Variants in RPS6KA2 observed in about 807,000 individuals in gnomAD.
RPS6KA2 encodes ribosomal protein S6 kinase alpha-2.
A neutral mutation model predicts 91.8 loss-of-function variants in RPS6KA2; 42 were observed. The ratio of observed to expected loss-of-function variants is 0.46; its 90% CI spans 0.36 to 0.59. The LOEUF (loss-of-function observed/expected upper bound fraction) is 0.59. Ranked by LOEUF, RPS6KA2 falls within the 20% of genes least tolerant of loss-of-function variation. RPS6KA2 has a pLI of 0.00. For missense variants in RPS6KA2, 798 were observed against 978.5 expected (o/e 0.82, Z 2.46); for synonymous variants, 414 against 393.6 (o/e 1.05, Z -0.61).
Position 166,841,556 on chromosome 6 carries a change from A to T in RPS6KA2, c.123+16644T>A, listed in dbSNP as rs541384304. ...ACAAAAACTTAATTGCAGAGGAAAA[A>T]TAGAAAAACTCAGCAGGTCTGAGAT... On this transcript the variant is annotated intron_variant, in intron 2 of 21. Transcript: ENST00000503859. Among the ~76,000 whole-genome samples, 26 of 152,382 alleles carry T rather than the reference A, an allele frequency of 1.7e-4. No homozygotes were observed. The East Asian group carries it at 3.7e-3, about 21-fold the overall frequency.
intron 1 of RPS6KA2, among the ~76,000 whole-genome samples, chr6:166,582,793 C>T (rs1350043233): frequency 6.6e-6 from 1 of 152,118 alleles, no homozygotes; most frequent in Non-Finnish European, 1.5e-5. Flanking sequence ...TGCTATTATG[C>T]ATCCAATGTG....
intron 10 of RPS6KA2, among the ~76,000 whole-genome samples, chr6:166,480,799 A>G (rs1336699176): frequency 6.6e-6 from 1 of 151,942 alleles, no homozygotes; most frequent in East Asian, 1.9e-4. Context: ...ACAGGCGTAC[A>G]CCACCACTCC....
At chr6:166,725,664 G>A (rs1790315412) in intron 2 of RPS6KA2, among the ~76,000 whole-genome samples, 1 of 152,250 alleles carries the variant, frequency 6.6e-6, no homozygotes, top group African/African-American at 2.4e-5. Context: ...GGGTGGGGTG[G>A]GCCCACGGGG....
At chr6:166,463,441 C>T (rs1005361577) in intron 11 of RPS6KA2, 11 of 152,148 alleles carry the variant, frequency 7.2e-5, no homozygotes, top group Admixed American at 3.3e-4. Flanking sequence ...TGATCAAATT[C>T]GCCAGGCACA....
intron 16 of RPS6KA2, 26 bp downstream of exon 16, chr6:166,430,427 A>C: frequency 4.4e-6 from 7 of 1,593,294 alleles, no homozygotes; most frequent in African/African-American, 1.3e-5. Flanking sequence ...CTCCTCCCCG[A>C]AGGCTGCCCC....
chr6:166,670,004 C>T (rs1287202628), intron 2 of RPS6KA2, among the ~76,000 whole-genome samples: 3 of 152,256 alleles, frequency 2.0e-5, no homozygotes, highest in Non-Finnish European at 4.4e-5. Flanking sequence ...AGGTTCAGAA[C>T]TGCAGCCTTT....
chr6:166,531,336 T>C lies in RPS6KA2; in HGVS notation c.217-23A>G, dbSNP rs376813774. 7.6e-5 allele frequency: 121 copies of C among 1,584,728 alleles called. 1 individual carries two copies. The Middle Eastern group carries it at 8.3e-4, about 11-fold the overall frequency. ...CACCTTAGCAAGAGAAAACGGAACATCAGAAACCCGTAAGACTTCAAACTC... is the reference window on the plus strand; with the variant it reads ...CACCTTAGCAAGAGAAAACGGAACACCAGAAACCCGTAAGACTTCAAACTC... On this transcript the variant is annotated intron_variant, in intron 2 of 20. Coordinates refer to ENST00000265678, the MANE Select transcript of RPS6KA2 (RefSeq NM_021135.6).
intron 2 of RPS6KA2, among the ~76,000 whole-genome samples, chr6:166,646,095 T>G (rs906958531): frequency 1.3e-5 from 2 of 152,196 alleles, no homozygotes; most frequent in African/African-American, 4.8e-5. Context: ...GCTGTAGGAA[T>G]TGGGAAATTT....
In RPS6KA2 at chr6:166,416,021, G is replaced by A. The variant is rs754639175; in HGVS notation, c.1939-2090C>T. On this transcript the variant is annotated intron_variant, in intron 19 of 20. Transcript: ENST00000265678. The stretch of plus-strand genomic sequence containing the variant: ...CCTCCTCCATCACCCCCACCATTAC[G>A]CTCACCATCATCTTCACCACCTCCA... Among the ~76,000 whole-genome samples the A allele has an allele frequency of 3.1e-3, 8 of 2,618 alleles. No individual in the cohort carries two copies. In the East Asian group the frequency reaches 0.053, roughly 17 times the overall value. 1.7% of individuals were successfully genotyped at this position (2,618 alleles called of 152,430 possible).
At chr6:166,539,914 G>A (rs1011679783) in intron 1 of RPS6KA2, among the ~76,000 whole-genome samples, 9 of 152,186 alleles carry the variant, frequency 5.9e-5, no homozygotes, top group Admixed American at 3.3e-4. Flanking sequence ...GTTTTAGCTC[G>A]GGGTGAGGGG....
At chr6:166,795,942 G>C (rs1023952995) in intron 2 of RPS6KA2, among the ~76,000 whole-genome samples, 3 of 152,240 alleles carry the variant, frequency 2.0e-5, no homozygotes, top group African/African-American at 7.2e-5. Flanking sequence ...ATGGCTTCTA[G>C]ATGCTGTGGG....
In RPS6KA2 at chr6:166,603,275, C is replaced by A. The variant is rs1247561712; in HGVS notation, c.99+23646G>T. On this transcript the variant is annotated intron_variant, in intron 1 of 20. Transcript: ENST00000265678. The surrounding 1 kb of genome is among the most constrained non-coding windows in gnomAD (Gnocchi z 4.3). ...AGGGACAGGGAAGCTTGGCTGAGAT[C>A]ACTGCACCTGCTCTCGGCTTGTGTG... Among the ~76,000 whole-genome samples, 1 of 152,186 alleles carries A rather than the reference C, an allele frequency of 6.6e-6. No individual in the cohort carries two copies. Among genetic ancestry groups the A allele is most frequent in the Non-Finnish European group, 1.5e-5 (1 of 68,040 alleles).
intron 1 of RPS6KA2, among the ~76,000 whole-genome samples, chr6:166,550,889 T>C (rs1485133221): frequency 4.6e-5 from 7 of 150,606 alleles, no homozygotes; most frequent in Non-Finnish European, 7.4e-5. Flanking sequence ...TAGTCCCAGC[T>C]ACTCGGGAGG....
chr6:166,604,585 C>T (rs1408468206), intron 1 of RPS6KA2, among the ~76,000 whole-genome samples: 3 of 152,162 alleles, frequency 2.0e-5, no homozygotes, highest in South Asian at 4.1e-4. Flanking sequence ...TGCCGTGCCT[C>T]GGGCCTTACC....
intron 1 of RPS6KA2, among the ~76,000 whole-genome samples, chr6:166,595,904 G>A (rs980910726): frequency 3.3e-5 from 5 of 152,234 alleles, no homozygotes; most frequent in African/African-American, 1.2e-4. Flanking sequence ...CTGGTCAGAG[G>A]CCAAGACCTC....
chr6:166,427,414 T>C (rs1252210366), intron 16 of RPS6KA2, among the ~76,000 whole-genome samples: 17 of 152,138 alleles, frequency 1.1e-4, no homozygotes, highest in African/African-American at 3.4e-4. Flanking sequence ...CCCTCTCTCA[T>C]CACTCCTATT....
At chr6:166,497,675 T>A (rs961446725) in intron 8 of RPS6KA2, among the ~76,000 whole-genome samples, 1 of 152,160 alleles carries the variant, frequency 6.6e-6, no homozygotes, top group Non-Finnish European at 1.5e-5. Context: ...GCCCTGGGGT[T>A]CCCTAGCAAG....
chr6:166,856,499 A>C (rs1780907871), intron 2 of RPS6KA2, among the ~76,000 whole-genome samples: 1 of 152,198 alleles, frequency 6.6e-6, no homozygotes, highest in South Asian at 2.1e-4. Flanking sequence ...GGCAGCCTGA[A>C]TGCAGCAGGA....
chr6:166,572,068 TACTC>T (rs1316840206), intron 1 of RPS6KA2, among the ~76,000 whole-genome samples: 4 of 152,220 alleles, frequency 2.6e-5, no homozygotes, highest in African/African-American at 7.2e-5. Flanking sequence ...TACACTATAA[TACTC>T]AGTTTCATTT....
Sources: gnomAD v4.1 joint callset for allele counts (sites outside exome capture counted in the v4.1 genomes callset) on GRCh38, gnomAD v4.1.1 for gene constraint, Gnocchi (gnomAD v3.1) non-coding constraint, MANE v1.5 for transcripts, NCBI Gene and HGNC (gene_info 2026-07-23, HGNC 2026-07-21) for gene names.